IKZF3: variants seen among roughly 807,000 people sequenced by gnomAD.
The protein encoded by IKZF3 is zinc finger protein Aiolos.
IKZF3 carries 10 observed loss-of-function variants against 49.0 expected under a neutral mutation model. The ratio of observed to expected loss-of-function variants is 0.20; its 90% CI spans 0.13 to 0.35. The LOEUF (loss-of-function observed/expected upper bound fraction) is 0.35. Among genes scored for constraint, IKZF3 ranks in the 10% least tolerant of loss-of-function variants. The probability of loss-of-function intolerance (pLI) is 1.00; values close to 1 mark genes in which losing one functional copy is unlikely to be tolerated. For synonymous variants in IKZF3, 209 were observed against 228.2 expected (o/e 0.92, Z 0.76); for missense variants, 498 against 664.8 (o/e 0.75, Z 2.76).
intron 1 of IKZF3, among the ~76,000 whole-genome samples, chr17:39,846,369 T>C (rs2062631139): frequency 6.6e-6 from 1 of 152,130 alleles, no homozygotes; most frequent in Non-Finnish European, 1.5e-5. Context: ...CAAGACTTCA[T>C]CACATGCTTA....
At chr17:39,768,086 A>G (rs2060339080) in intron 7 of IKZF3, among the ~76,000 whole-genome samples, 1 of 152,112 alleles carries the variant, frequency 6.6e-6, no homozygotes, top group African/African-American at 2.4e-5. Context: ...GCTTTGCTCT[A>G]TGGAGGTCTT....
At chr17:39,834,347 G>A (rs1439311636) in intron 1 of IKZF3, among the ~76,000 whole-genome samples, 1 of 152,184 alleles carries the variant, frequency 6.6e-6, no homozygotes, top group Non-Finnish European at 1.5e-5. Flanking sequence ...AAATTTTAGT[G>A]ACTGACTTTA....
At chr17:39,858,868 A>G (rs1229127842) in intron 1 of IKZF3, among the ~76,000 whole-genome samples, 1 of 151,830 alleles carries the variant, frequency 6.6e-6, no homozygotes, top group Non-Finnish European at 1.5e-5. Flanking sequence ...TGGCGTCATT[A>G]CAGCCCACTG....
At chr17:39,810,826 T>C (rs1195970155) in intron 3 of IKZF3, among the ~76,000 whole-genome samples, 1 of 152,146 alleles carries the variant, frequency 6.6e-6, no homozygotes, top group Non-Finnish European at 1.5e-5. Flanking sequence ...ATGAGAAGGA[T>C]AGAGAGGAAA....
chr17:39,850,527 ATTATACATG>A (rs2062797538), intron 1 of IKZF3, among the ~76,000 whole-genome samples: 1 of 101,688 alleles, frequency 9.8e-6, no homozygotes, highest in Non-Finnish European at 1.9e-5. Flanking sequence ...TATTATACAT[ATTATACATG>A]TACATATTAT....
chr17:39,811,397 C>A (rs114777282), intron 3 of IKZF3, among the ~76,000 whole-genome samples: 5,245 of 112,236 alleles, frequency 0.047, 324 homozygotes, highest in African/African-American at 0.18. Context: ...GAAGAAAGGA[C>A]GGAAGGAAGA....
At chr17:39,820,233 A>G (rs946013061) in intron 3 of IKZF3, among the ~76,000 whole-genome samples, 12 of 152,246 alleles carry the variant, frequency 7.9e-5, no homozygotes, top group Admixed American at 7.2e-4. Context: ...GTGTTAAAAT[A>G]GTGACTGAAT....
At position 39,764,598 on chromosome 17, in the gene IKZF3, A is replaced by G. The variant is rs1404043838; in HGVS notation, c.*1192T>C. The G allele has an allele frequency of 6.6e-6, 1 of 152,152 alleles. No individual in the cohort carries two copies. The highest frequency in any genetic ancestry group is 2.4e-5 in the African/African-American group (1 of 41,422). The allele number at this position is 152,152 out of a possible 1,614,324, so 9.4% of individuals were successfully genotyped here. On this transcript the variant is annotated 3_prime_UTR_variant, in exon 8 of 8. Transcript: ENST00000346872. ...CTCCTCCTGATAGTATGTACATATT[A>G]TGAGTGACAAGGATGACTTATACAT...
At chr17:39,769,046 A>G (rs968336232) in intron 7 of IKZF3, among the ~76,000 whole-genome samples, 5 of 152,246 alleles carry the variant, frequency 3.3e-5, no homozygotes, top group African/African-American at 1.2e-4. Flanking sequence ...GGAGACTGAA[A>G]GAGAACTGGA....
chr17:39,815,550 G>A (rs1487443394), intron 3 of IKZF3, among the ~76,000 whole-genome samples: 1 of 152,156 alleles, frequency 6.6e-6, no homozygotes, highest in Non-Finnish European at 1.5e-5. Flanking sequence ...TTATAAAATT[G>A]TTTTAACTCT....
intron 1 of IKZF3, among the ~76,000 whole-genome samples, chr17:39,844,630 GT>G (rs1310870629): frequency 6.6e-6 from 1 of 151,466 alleles, no homozygotes; most frequent in African/African-American, 2.4e-5. Flanking sequence ...ACAGAGTCTT[GT>G]TTTTTTATTT....
At chr17:39,802,760 G>T (rs1201926909) in intron 3 of IKZF3, among the ~76,000 whole-genome samples, 1 of 151,162 alleles carries the variant, frequency 6.6e-6, no homozygotes, top group East Asian at 1.9e-4. Flanking sequence ...GGTCCAGGCT[G>T]CAGTGAGCTG....
At chr17:39,801,327 C>G (rs1484359789) in intron 3 of IKZF3, among the ~76,000 whole-genome samples, 8 of 144,302 alleles carry the variant, frequency 5.5e-5, no homozygotes, top group African/African-American at 2.6e-5. Flanking sequence ...CCTAATGCTA[C>G]AGATGTTCAG....
At chr17:39,798,640 G>C (rs1263946546) in intron 3 of IKZF3, among the ~76,000 whole-genome samples, 1 of 151,712 alleles carries the variant, frequency 6.6e-6, no homozygotes, top group African/African-American at 2.4e-5. Context: ...TGAGTAGCTG[G>C]GACTACAGGC....
At chr17:39,864,065 G>A (rs2063295217) in intron 1 of IKZF3, 55 bp downstream of exon 1, 1 of 1,607,080 alleles carries the variant, frequency 6.2e-7, no homozygotes, top group Non-Finnish European at 8.5e-7. Context: ...TCTACTGCTT[G>A]CACAGGTTAA....
At chr17:39,792,227 A>G (rs185626225) in intron 4 of IKZF3, among the ~76,000 whole-genome samples, 4 of 152,288 alleles carry the variant, frequency 2.6e-5, no homozygotes, top group Non-Finnish European at 1.5e-5. Flanking sequence ...ATGCATTTCT[A>G]TAGACTACCT....
Position 39,788,338 on chromosome 17 carries a change from C to T in IKZF3, c.629G>A (p.Ser210Asn). Reference sequence around the variant, plus strand: ...CTCAAGGGAACTTCTCTGCTTGTAACTCCTTCCACAAAACTCACATTTGTA... The same window carrying T: ...CTCAAGGGAACTTCTCTGCTTGTAATTCCTTCCACAAAACTCACATTTGTA... Reference protein sequence around the residue: ...KPYKCEFCGRSYKQRSSLEEH... With the variant: ...KPYKCEFCGRNYKQRSSLEEH... Residue 210 changes from serine (S) to asparagine (N), a missense_variant, in exon 6 of 8, where the codon AGT (serine) becomes AAT (asparagine). Around this residue, in one of 3 missense-constraint regions of IKZF3, gnomAD observed 84 missense variants for 168.6 expected, o/e 0.50. Coordinates refer to ENST00000346872, the MANE Select transcript of IKZF3 (RefSeq NM_012481.5). 1 of 1,613,810 alleles carries T rather than the reference C, an allele frequency of 6.2e-7. No homozygotes were observed. The highest frequency in any genetic ancestry group is 8.5e-7 in the Non-Finnish European group (1 of 1,179,822).
chr17:39,787,250 C>A (rs1240215612), intron 6 of IKZF3, among the ~76,000 whole-genome samples: 1 of 152,130 alleles, frequency 6.6e-6, no homozygotes, highest in Non-Finnish European at 1.5e-5. Flanking sequence ...AGATGTGACA[C>A]AAAAAAGTTT....
intron 3 of IKZF3, among the ~76,000 whole-genome samples, chr17:39,808,893 C>A (rs150112099): frequency 6.6e-6 from 1 of 152,092 alleles, no homozygotes; most frequent in Non-Finnish European, 1.5e-5. Context: ...GTTCAAATGT[C>A]GGTGGATGGG....
Sources: gnomAD v4.1 joint callset for allele counts (sites outside exome capture counted in the v4.1 genomes callset) on GRCh38, gnomAD v4.1.1 for gene constraint, gnomAD v4.1.1 regional missense constraint, MANE v1.5 for transcripts, NCBI Gene and HGNC (gene_info 2026-07-23, HGNC 2026-07-21) for gene names.